The following CLTB variants were observed in gnomAD, a reference collection of about 807,000 sequenced individuals.
CLTB encodes the protein clathrin light chain B, also known as clathrin, light chain (Lcb).
A neutral mutation model predicts 30.5 loss-of-function variants in CLTB; 10 were observed. That is an observed-to-expected ratio of 0.33 (90% confidence interval 0.20 to 0.56). The LOEUF (loss-of-function observed/expected upper bound fraction) is 0.56. Among genes scored for constraint, CLTB ranks in the 20% least tolerant of loss-of-function variants. The pLI, the probability that CLTB is intolerant of heterozygous loss-of-function variation, is 0.91. For synonymous variants in CLTB, 102 were observed against 120.3 expected, an observed-to-expected ratio of 0.85 and a Z score of 1.00; for missense variants, 261 against 308.3, an observed-to-expected ratio of 0.85 and a Z score of 1.15.
chr5:176,407,115 C>CG (rs1757165753), intron 2 of CLTB, among the ~76,000 whole-genome samples: 1 of 152,128 alleles, frequency 6.6e-6, no homozygotes, highest in Admixed American at 6.6e-5. Context: ...AAGGAGGCCC[C>CG]GGGCTCCTCA....
Position 176,392,663 on chromosome 5 carries a change from T to C in CLTB, c.*111A>G. On this transcript the variant is annotated 3_prime_UTR_variant, in exon 6 of 6. Coordinates refer to ENST00000310418, the MANE Select transcript of CLTB (RefSeq NM_007097.5). The surrounding 1 kb of genome is among the most constrained non-coding windows in gnomAD (Gnocchi z 5.2). ...CCCAGCGCCTGGAGATGGGGAGGAGTGGAATAGGCTGTGGGTAGCAGCTGC... is the reference window on the plus strand; with the variant it reads ...CCCAGCGCCTGGAGATGGGGAGGAGCGGAATAGGCTGTGGGTAGCAGCTGC... 8.0e-7 allele frequency: 1 copy of C among 1,246,598 alleles called. No homozygotes were observed. The highest frequency in any genetic ancestry group is 1.1e-6 in the Non-Finnish European group (1 of 893,280). 77.2% of individuals were successfully genotyped at this position (1,246,598 alleles called of 1,614,324 possible).
intron 2 of CLTB, chr5:176,406,011 T>C (rs547484009): frequency 3.3e-5 from 11 of 337,934 alleles, no homozygotes; most frequent in Non-Finnish European, 3.8e-5. Flanking sequence ...GAGAGCACAG[T>C]GGTGCTGCTG....
chr5:176,393,012 G>A lies in CLTB; in HGVS notation c.519-67C>T. 6.3e-7 allele frequency: 1 copy of A among 1,583,544 alleles called. No individual in the cohort carries two copies. The highest frequency in any genetic ancestry group is 8.7e-7 in the Non-Finnish European group (1 of 1,154,826). On this transcript the variant is annotated intron_variant, in intron 5 of 5. Coordinates refer to ENST00000310418, the MANE Select transcript of CLTB (RefSeq NM_007097.5). This position sits in a 1 kb window ranked among gnomAD's most constrained non-coding sequence, Gnocchi z 4.4. Reference sequence around the variant, plus strand: ...TCCCCCAGCCTTGCCCTTGAGCAAGGCTGCTTTGCCCAGCCTACTCTGGGG... The same window carrying A: ...TCCCCCAGCCTTGCCCTTGAGCAAGACTGCTTTGCCCAGCCTACTCTGGGG...
At chr5:176,399,082 G>C (rs1044592478) in intron 2 of CLTB, among the ~76,000 whole-genome samples, 1 of 152,090 alleles carries the variant, frequency 6.6e-6, no homozygotes, top group African/African-American at 2.4e-5. Flanking sequence ...GACCTCAGGT[G>C]ATCCACCGGC....
Position 176,416,324 on chromosome 5 carries a change from C to A in CLTB, c.40G>T (p.Gly14Cys), listed in dbSNP as rs773025770. Residue 14 changes from glycine to cysteine, a missense_variant, in exon 1 of 6, where the codon GGT becomes TGT. Coordinates refer to ENST00000310418, the MANE Select transcript of CLTB (RefSeq NM_007097.5). ...TCCTCCTCCGCCGCCTCCGGGGCAC[C>A]GCTCTCCGACGACGAGAAGAAGCCA... The part of the protein sequence containing the change: ...DFGFFSSSES[G>C]APEAAEEDPA... 3.1e-6 allele frequency: 5 copies of A among 1,602,260 alleles called. No homozygotes were observed. The highest frequency in any genetic ancestry group is 4.3e-6 in the Non-Finnish European group (5 of 1,176,110).
intron 2 of CLTB, among the ~76,000 whole-genome samples, chr5:176,400,127 G>A (rs1238811935): frequency 6.6e-6 from 1 of 151,524 alleles, no homozygotes; most frequent in Non-Finnish European, 1.5e-5. Context: ...GGGCGGGGCA[G>A]GGGAGGCTGC....
chr5:176,406,553 G>A (rs1166971282), intron 2 of CLTB: 1 of 1,278,840 alleles, frequency 7.8e-7, no homozygotes, highest in Non-Finnish European at 1.0e-6. Context: ...GGAAAGGAGA[G>A]AGGATCTGTG....
At position 176,410,286 on chromosome 5, in the gene CLTB, C is replaced by T. The variant is rs1368562552; in HGVS notation, c.205G>A (p.Gly69Arg). Residue 69 changes from glycine (G) to arginine (R), a missense_variant, in exon 2 of 6, where the codon GGG (glycine) becomes AGG (arginine). Transcript: ENST00000310418. ...AACACATCTCCATTGACTGTGGTCC[C>T]CATGTCCTCAGAACCAGCTGGAAAG... ...PTSGAGSEDM[G>R]TTVNGDVFQE... 2.5e-6 allele frequency: 4 copies of T among 1,613,828 alleles called. No homozygotes were observed. In the African/African-American group the frequency reaches 5.3e-5, roughly 22 times the overall value.
chr5:176,396,442 C>G, intron 5 of CLTB, 37 bp downstream of exon 5: 2 of 1,574,866 alleles, frequency 1.3e-6, no homozygotes, highest in Non-Finnish European at 1.7e-6. Flanking sequence ...CATTCCCTCT[C>G]TAGCTCCCCC....
At chr5:176,404,158 G>T (rs1422715607) in intron 2 of CLTB, among the ~76,000 whole-genome samples, 1 of 152,198 alleles carries the variant, frequency 6.6e-6, no homozygotes, top group Non-Finnish European at 1.5e-5. Flanking sequence ...TGAATTGCTG[G>T]GTGTGACTCG....
chr5:176,410,995 G>A (rs762232379), intron 1 of CLTB, among the ~76,000 whole-genome samples: 7 of 152,044 alleles, frequency 4.6e-5, no homozygotes, highest in Non-Finnish European at 1.0e-4. Context: ...ACTCTCTCCC[G>A]CAGCTCAGCC....
intron 5 of CLTB, among the ~76,000 whole-genome samples, chr5:176,395,914 C>T (rs1395032622): frequency 6.6e-6 from 1 of 152,190 alleles, no homozygotes; most frequent in African/African-American, 2.4e-5. Context: ...GTGGGTGGAT[C>T]ACCTGAGGTC....
chr5:176,404,543 A>T (rs1356758074), intron 2 of CLTB, among the ~76,000 whole-genome samples: 6 of 151,960 alleles, frequency 3.9e-5, no homozygotes, highest in Non-Finnish European at 1.5e-5. Context: ...CTCCATCTAA[A>T]CCTCCGCTGC....
chr5:176,397,641 T>C lies in CLTB; in HGVS notation c.430A>G (p.Ser144Gly). 6.3e-7 allele frequency: 1 copy of C among 1,597,852 alleles called. No homozygotes were observed. The highest frequency in any genetic ancestry group is 8.5e-7 in the Non-Finnish European group (1 of 1,170,708). The change falls in exon 4 of 6, where the codon AGT (serine) becomes GGT (glycine). Residue 144 changes from serine to glycine, a missense_variant. This residue lies in a region of CLTB where 123 missense variants were observed against 157.0 expected (regional missense o/e 0.78). Coordinates refer to ENST00000310418, the MANE Select transcript of CLTB (RefSeq NM_007097.5). ...KDLEEWNQRQ[S>G]EQVEKNKINN... ...ATCTTGTTCTTCTCTACTTGTTCAC[T>C]CTGGCGCTGGTTCCACTCCTCCAGG...
intron 2 of CLTB, among the ~76,000 whole-genome samples, chr5:176,398,284 G>A (rs1256742269): frequency 1.3e-5 from 2 of 152,160 alleles, no homozygotes; most frequent in African/African-American, 4.8e-5. Context: ...ATTGCCTCTG[G>A]CCCAGTTATA....
Position 176,393,094 on chromosome 5 carries a change from G to A in CLTB, c.519-149C>T, listed in dbSNP as rs370253408. 14 of 825,174 alleles carry A rather than the reference G, an allele frequency of 1.7e-5. No homozygotes were observed. The highest frequency in any genetic ancestry group is 1.6e-4 in the Admixed American group (7 of 43,906). 51.1% of individuals were successfully genotyped at this position (825,174 alleles called of 1,614,324 possible). On this transcript the variant is annotated intron_variant, in intron 5 of 5. Coordinates refer to ENST00000310418, the MANE Select transcript of CLTB (RefSeq NM_007097.5). The surrounding 1 kb of genome is among the most constrained non-coding windows in gnomAD (Gnocchi z 4.4). ...GACTTCAGAGGAGGGCAGCCTTGGC[G>A]CAGGAGGAAGCCTAGCTTGGTCCTG... is the stretch of plus-strand genomic sequence containing the variant.
At chr5:176,398,087 C>T (rs766636253) in intron 2 of CLTB, 40 bp from the exon 3 acceptor site, 1 of 1,578,476 alleles carries the variant, frequency 6.3e-7, no homozygotes, top group Non-Finnish European at 8.7e-7. Flanking sequence ...AGCCAGCACA[C>T]CTGCCCCGCT....
chr5:176,412,917 C>T (rs950050154), intron 1 of CLTB, among the ~76,000 whole-genome samples: 7 of 152,216 alleles, frequency 4.6e-5, no homozygotes, highest in African/African-American at 1.2e-4. Context: ...CCTGTGATGC[C>T]GGTCTGTACA....
chr5:176,396,842 T>C lies in CLTB; in HGVS notation c.465-310A>G, dbSNP rs537652165. Among the ~76,000 whole-genome samples, 20 of 152,274 alleles carry C rather than the reference T, an allele frequency of 1.3e-4. No individual in the cohort carries two copies. The East Asian group carries it at 2.9e-3, about 22-fold the overall frequency. ...CTCATCAGCCAAGGCCCTTACAGTG[T>C]GAGTCCACAGGTTCCTGCCTTCTCT... is the stretch of plus-strand genomic sequence containing the variant. On this transcript the variant is annotated intron_variant, in intron 4 of 5. Coordinates refer to ENST00000310418, the MANE Select transcript of CLTB (RefSeq NM_007097.5).
Sources: allele counts gnomAD v4.1 joint callset (sites outside exome capture counted in the v4.1 genomes callset), GRCh38; gene constraint gnomAD v4.1.1; regional missense constraint gnomAD v4.1.1; non-coding constraint Gnocchi (gnomAD v3.1); transcripts MANE v1.5; gene names NCBI Gene and HGNC (gene_info 2026-07-23, HGNC 2026-07-21).